Variants in SYBU observed in about 807,000 individuals in gnomAD.
The protein encoded by SYBU is syntabulin.
A neutral mutation model predicts 35.9 loss-of-function variants in SYBU; 21 were observed. The ratio of observed to expected loss-of-function variants is 0.58; its 90% CI spans 0.41 to 0.84. The LOEUF is 0.84. Among genes scored for constraint, SYBU ranks in the 40% least tolerant of loss-of-function variants. The pLI is 0.00. For synonymous variants in SYBU, 319 were observed against 324.3 expected, an observed-to-expected ratio of 0.98 and a Z score of 0.18; for missense variants, 768 against 848.2, an observed-to-expected ratio of 0.91 and a Z score of 1.17.
intron 3 of SYBU, among the ~76,000 whole-genome samples, chr8:109,618,635 T>C (rs776373250): frequency 2.6e-5 from 4 of 152,236 alleles, no homozygotes; most frequent in Non-Finnish European, 5.9e-5. Context: ...AATACACATG[T>C]CACTATAGGT....
chr8:109,612,977 TA>T (rs752877654), intron 3 of SYBU, among the ~76,000 whole-genome samples: 7,629 of 79,652 alleles, frequency 0.096, 609 homozygotes, highest in African/African-American at 0.32. Flanking sequence ...AAGACTCTGT[TA>T]AAAAAAAAAA....
At chr8:109,585,060 A>T (rs2129676287) in intron 4 of SYBU, among the ~76,000 whole-genome samples, 1 of 152,136 alleles carries the variant, frequency 6.6e-6, no homozygotes, top group East Asian at 1.9e-4. Flanking sequence ...CCTTCCCCTG[A>T]GTGTTTTTAA....
At chr8:109,643,146 G>GTCAC in intron 1 of SYBU, 4 of 1,245,350 alleles carry the variant, frequency 3.2e-6, no homozygotes, top group East Asian at 6.8e-5. Flanking sequence ...ATGTCTGTGT[G>GTCAC]GCACACACAC....
Position 109,583,439 on chromosome 8 carries a change from A to T in SYBU, c.530+2621T>A, listed in dbSNP as rs141769723. ...AGAAAGATAATTCCTTAGAAATATC[A>T]GCAGAGTTGCCCTTCTATGAGACAA... On this transcript the variant is annotated intron_variant, in intron 4 of 6. Transcript: ENST00000276646. Among the ~76,000 whole-genome samples, 23 of 152,378 alleles carry T rather than the reference A, an allele frequency of 1.5e-4. No individual in the cohort carries two copies. The East Asian group carries it at 3.9e-3, about 26-fold the overall frequency.
intron 1 of SYBU, among the ~76,000 whole-genome samples, chr8:109,657,906 G>T (rs1334766587): frequency 1.1e-4 from 17 of 152,136 alleles, no homozygotes; most frequent in Non-Finnish European, 2.4e-4. Context: ...CTTCTTTATG[G>T]AGATGCTCAA....
chr8:109,686,522 T>C (rs562231247), intron 1 of SYBU, among the ~76,000 whole-genome samples: 2 of 152,268 alleles, frequency 1.3e-5, no homozygotes, highest in South Asian at 4.2e-4. Context: ...GTTAATTTGG[T>C]GTGTATTAAT....
At chr8:109,592,091 C>A (rs909703242) in intron 3 of SYBU, among the ~76,000 whole-genome samples, 1 of 151,952 alleles carries the variant, frequency 6.6e-6, no homozygotes. Context: ...ATACAGCAAG[C>A]CCTTAATAGT....
At chr8:109,587,279 TTGAG>T (rs1465493219) in intron 3 of SYBU, among the ~76,000 whole-genome samples, 1 of 152,238 alleles carries the variant, frequency 6.6e-6, no homozygotes, top group Non-Finnish European at 1.5e-5. Context: ...TGGCTATTTA[TTGAG>T]TGTTTACTAG....
At chr8:109,624,684 C>T (rs898553590) in intron 2 of SYBU, among the ~76,000 whole-genome samples, 2 of 152,176 alleles carry the variant, frequency 1.3e-5, no homozygotes, top group Admixed American at 6.5e-5. Flanking sequence ...CACACACAAA[C>T]ACACAATTGC....
chr8:109,625,254 C>G (rs572966211), intron 2 of SYBU, among the ~76,000 whole-genome samples: 1 of 152,138 alleles, frequency 6.6e-6, no homozygotes, highest in Admixed American at 6.5e-5. Flanking sequence ...CAGGAATATC[C>G]TGCTATCATT....
chr8:109,638,721 T>A (rs1814516566), intron 2 of SYBU, among the ~76,000 whole-genome samples: 1 of 152,184 alleles, frequency 6.6e-6, no homozygotes, highest in African/African-American at 2.4e-5. Flanking sequence ...TAAACTTAAC[T>A]GTCTCCAACT....
At chr8:109,590,938 T>G (rs1222847605) in intron 3 of SYBU, among the ~76,000 whole-genome samples, 1 of 152,216 alleles carries the variant, frequency 6.6e-6, no homozygotes, top group Non-Finnish European at 1.5e-5. Context: ...CAAAAGAGTC[T>G]GATAATACCA....
chr8:109,645,182 T>C (rs1338486790), upstream of SYBU: 22 of 456,312 alleles, frequency 4.8e-5, no homozygotes, highest in Admixed American at 9.4e-5. Context: ...AGAGACAAAA[T>C]AGAGAAAGTT....
chr8:109,627,050 A>C (rs1350883714), intron 2 of SYBU, among the ~76,000 whole-genome samples: 2 of 128,650 alleles, frequency 1.6e-5, no homozygotes, highest in Non-Finnish European at 3.1e-5. Context: ...TCCAGAAGAC[A>C]CTTAAAAACA....
intron 2 of SYBU, among the ~76,000 whole-genome samples, chr8:109,638,153 C>T (rs540824680): frequency 3.3e-5 from 5 of 152,278 alleles, no homozygotes; most frequent in Admixed American, 2.6e-4. Context: ...TTACAAGGCG[C>T]CCCAAGGAGA....
intron 1 of SYBU, among the ~76,000 whole-genome samples, chr8:109,678,622 G>T (rs567485031): frequency 6.6e-6 from 1 of 151,856 alleles, no homozygotes; most frequent in East Asian, 1.9e-4. Flanking sequence ...TGTATTTTTA[G>T]TAGAGACAGG....
intron 2 of SYBU, 61 bp from the exon 3 acceptor site, chr8:109,619,100 C>G: frequency 7.5e-7 from 1 of 1,339,626 alleles, no homozygotes; most frequent in Non-Finnish European, 1.1e-6. Flanking sequence ...TGGTGAGAAG[C>G]CATGCGGTGC....
At chr8:109,659,576 G>A (rs1332224588) in intron 1 of SYBU, among the ~76,000 whole-genome samples, 1 of 152,118 alleles carries the variant, frequency 6.6e-6, no homozygotes, top group Non-Finnish European at 1.5e-5. Flanking sequence ...TTTGTACATA[G>A]AGAACAATAA....
chr8:109,593,592 T>C (rs73317056), intron 3 of SYBU, among the ~76,000 whole-genome samples: 4,321 of 152,274 alleles, frequency 0.028, 212 homozygotes, highest in African/African-American at 0.099. Flanking sequence ...CATAATCCTG[T>C]TGTAAAAGAG....
Sources: gnomAD v4.1 joint callset for allele counts (sites outside exome capture counted in the v4.1 genomes callset) on GRCh38, gnomAD v4.1.1 for gene constraint, MANE v1.5 for transcripts, NCBI Gene and HGNC (gene_info 2026-07-23, HGNC 2026-07-21) for gene names.